Variants in EFNA5 observed in about 807,000 individuals in gnomAD.
EFNA5 encodes ephrin A5.
In EFNA5, 5 loss-of-function variants were observed where a neutral mutation model predicts 22.9. That is an observed-to-expected ratio of 0.22 (90% CI 0.11 to 0.46). The LOEUF (loss-of-function observed/expected upper bound fraction) is 0.46. Among genes scored for constraint, EFNA5 ranks in the 20% least tolerant of loss-of-function variants. EFNA5 has a pLI of 0.99. For synonymous variants in EFNA5, 113 were observed against 112.2 expected (o/e 1.01, Z -0.04); for missense variants, 237 against 293.3 (o/e 0.81, Z 1.40).
intron 1 of EFNA5, among the ~76,000 whole-genome samples, chr5:107,505,383 G>A (rs1228698911): frequency 6.6e-6 from 1 of 152,210 alleles, no homozygotes; most frequent in African/African-American, 2.4e-5. Context: ...AAGGTGCACT[G>A]TGTACTGATT....
rs536793243 is a variant in EFNA5, at chr5:107,515,748, T to A, written c.126-88239A>T. 7.9e-5 allele frequency among the ~76,000 whole-genome samples: 12 copies of A among 152,320 alleles called. No homozygotes were observed. The East Asian group carries it at 2.1e-3, about 27-fold the overall frequency. On this transcript the variant is annotated intron_variant, in intron 1 of 4. Coordinates refer to ENST00000333274, the MANE Select transcript of EFNA5 (RefSeq NM_001962.3). ...CTCCACAAATCAAATCAATGTGTTA[T>A]AATACAGAACTCTGGGTACTTCCTA...
intron 2 of EFNA5, among the ~76,000 whole-genome samples, chr5:107,390,185 A>G (rs1056757491): frequency 1.3e-5 from 2 of 152,202 alleles, no homozygotes; most frequent in African/African-American, 4.8e-5. Flanking sequence ...AAAATCCAAA[A>G]AGATGAAAAC....
chr5:107,655,734 T>C (rs1000055955), intron 1 of EFNA5, among the ~76,000 whole-genome samples: 1 of 152,102 alleles, frequency 6.6e-6, no homozygotes, highest in East Asian at 1.9e-4. Context: ...GGAAGTAAAA[T>C]TGGCTTTGAA....
chr5:107,468,383 T>C (rs1454430403), intron 1 of EFNA5, among the ~76,000 whole-genome samples: 1 of 152,194 alleles, frequency 6.6e-6, no homozygotes, highest in African/African-American at 2.4e-5. Context: ...AGGGTGTTTA[T>C]AAGAAATAAA....
chr5:107,457,853 G>A (rs768868756), intron 1 of EFNA5, among the ~76,000 whole-genome samples: 1 of 152,126 alleles, frequency 6.6e-6, no homozygotes, highest in African/African-American at 2.4e-5. Context: ...GCTTCACATA[G>A]GAGCAGCAAC....
At chr5:107,645,485 A>T (rs935451583) in intron 1 of EFNA5, among the ~76,000 whole-genome samples, 1 of 152,248 alleles carries the variant, frequency 6.6e-6, no homozygotes, top group African/African-American at 2.4e-5. Context: ...TATGTATAAG[A>T]GTGTTTTTAG....
chr5:107,453,437 A>T (rs556254887), intron 1 of EFNA5, among the ~76,000 whole-genome samples: 3 of 152,312 alleles, frequency 2.0e-5, no homozygotes, highest in African/African-American at 7.2e-5. Context: ...ATAGCTTAAA[A>T]TATGCTGAGC....
chr5:107,463,945 T>G (rs578040451), intron 1 of EFNA5, among the ~76,000 whole-genome samples: 1 of 152,266 alleles, frequency 6.6e-6, no homozygotes, highest in South Asian at 2.1e-4. Context: ...ATCAAGTACC[T>G]CATATTAGAT....
At chr5:107,494,403 G>A (rs1441965026) in intron 1 of EFNA5, among the ~76,000 whole-genome samples, 4 of 152,248 alleles carry the variant, frequency 2.6e-5, no homozygotes, top group Admixed American at 6.5e-5. Context: ...CGGCTGCGGA[G>A]GGTGTACTGG....
intron 1 of EFNA5, among the ~76,000 whole-genome samples, chr5:107,560,539 C>T (rs942136250): frequency 1.3e-5 from 2 of 152,186 alleles, no homozygotes; most frequent in Admixed American, 1.3e-4. Context: ...GTCATCTCCC[C>T]CGTGCCGCTG....
chr5:107,620,389 G>A (rs879308373), intron 1 of EFNA5, among the ~76,000 whole-genome samples: 7 of 152,218 alleles, frequency 4.6e-5, no homozygotes, highest in African/African-American at 1.2e-4. Context: ...ATTTATGAAC[G>A]TTATACACAG....
At chr5:107,385,417 C>G (rs1422521162) in intron 4 of EFNA5, among the ~76,000 whole-genome samples, 1 of 152,120 alleles carries the variant, frequency 6.6e-6, no homozygotes, top group Non-Finnish European at 1.5e-5. Flanking sequence ...GAAAGATATG[C>G]CTACATTCTG....
At position 107,539,012 on chromosome 5, in the gene EFNA5, T is replaced by C. The variant is rs116999673; in HGVS notation, c.126-111503A>G. Among the ~76,000 whole-genome samples the C allele has an allele frequency of 7.0e-4, 106 of 152,334 alleles. No homozygotes were observed. In the East Asian group the frequency reaches 0.017, roughly 24 times the overall value. On this transcript the variant is annotated intron_variant, in intron 1 of 4. Transcript: ENST00000333274. ...CACAACATTCACAGCTTGTGAGGCA[T>C]AAGACACAGAGTATGCACTGGTACA... is the stretch of plus-strand genomic sequence containing the variant.
intron 1 of EFNA5, among the ~76,000 whole-genome samples, chr5:107,599,701 T>A (rs1749548955): frequency 6.6e-6 from 1 of 152,240 alleles, no homozygotes; most frequent in Non-Finnish European, 1.5e-5. Flanking sequence ...TTATGAAAAG[T>A]AGCTACCTAT....
At position 107,612,511 on chromosome 5, in the gene EFNA5, T is replaced by TA. The variant is rs925192479; in HGVS notation, c.125+57977dup. On this transcript the variant is annotated intron_variant, in intron 1 of 4. Transcript: ENST00000333274. ...TTAAAATATAATTTGAAATGCAATTTAAAAAAAAAAAGTTCATCCAAAATA... is the reference window on the plus strand; with the variant it reads ...TTAAAATATAATTTGAAATGCAATTTAAAAAAAAAAAAGTTCATCCAAAATA... Among the ~76,000 whole-genome samples, 400 of 146,776 alleles carry TA rather than the reference T, an allele frequency of 2.7e-3. 2 individuals carry two copies. Among genetic ancestry groups the TA allele is most frequent in the African/African-American group, 9.2e-3 (370 of 40,206 alleles).
chr5:107,618,899 T>C (rs1561451086), intron 1 of EFNA5, among the ~76,000 whole-genome samples: 2 of 152,140 alleles, frequency 1.3e-5, no homozygotes, highest in Non-Finnish European at 2.9e-5. Context: ...ACATTCCCAA[T>C]GTGCCTATGC....
At chr5:107,566,392 C>T (rs935411033) in intron 1 of EFNA5, among the ~76,000 whole-genome samples, 1 of 152,090 alleles carries the variant, frequency 6.6e-6, no homozygotes, top group Admixed American at 6.5e-5. Flanking sequence ...ACTCTATCGA[C>T]GAGTCATTTT....
intron 1 of EFNA5, among the ~76,000 whole-genome samples, chr5:107,527,370 T>A (rs1020897569): frequency 6.6e-6 from 1 of 151,476 alleles, no homozygotes; most frequent in Non-Finnish European, 1.5e-5. Context: ...CACTGCAACA[T>A]CTGCCTCCCA....
At chr5:107,601,082 T>C (rs1311513802) in intron 1 of EFNA5, among the ~76,000 whole-genome samples, 1 of 152,226 alleles carries the variant, frequency 6.6e-6, no homozygotes, top group African/African-American at 2.4e-5. Flanking sequence ...AGAGAACTCA[T>C]CATCCCTAGA....
Sources: gnomAD v4.1 joint callset for allele counts (sites outside exome capture counted in the v4.1 genomes callset) on GRCh38, gnomAD v4.1.1 for gene constraint, MANE v1.5 for transcripts, NCBI Gene and HGNC (gene_info 2026-07-23, HGNC 2026-07-21) for gene names.